NFATC2: variants seen among roughly 807,000 people sequenced by gnomAD.
NFATC2 encodes nuclear factor of activated T cells 2.
In NFATC2, 22 loss-of-function variants were observed where a neutral mutation model predicts 87.3. The observed-to-expected ratio is 0.25, with a 90% CI of 0.18 to 0.36. The LOEUF is 0.36. Among genes scored for constraint, NFATC2 ranks in the 10% least tolerant of loss-of-function variants. The pLI, the probability that NFATC2 is intolerant of heterozygous loss-of-function variation, is 1.00. For synonymous variants in NFATC2, 565 were observed against 542.2 expected, an observed-to-expected ratio of 1.04 and a Z score of -0.58; for missense variants, 1,149 against 1,259.1, an observed-to-expected ratio of 0.91 and a Z score of 1.32.
chr20:51,473,832 C>T (rs1388360616), intron 5 of NFATC2, 148 bp downstream of exon 5: 5 of 731,728 alleles, frequency 6.8e-6, no homozygotes, highest in Non-Finnish European at 1.1e-5. Flanking sequence ...TCTGTCCCCT[C>T]TGGTCATCTT....
intron 6 of NFATC2, among the ~76,000 whole-genome samples, chr20:51,436,714 C>A (rs1040978511): frequency 1.7e-4 from 11 of 63,444 alleles, no homozygotes; most frequent in Non-Finnish European, 2.4e-4. Context: ...GACTTTGTCT[C>A]AAAACAAACA....
chr20:51,450,237 G>A (rs1396547191), intron 6 of NFATC2, among the ~76,000 whole-genome samples: 1 of 152,146 alleles, frequency 6.6e-6, no homozygotes, highest in African/African-American at 2.4e-5. Flanking sequence ...CAGGCCATCC[G>A]ACCTCAGAGC....
chr20:51,422,585 T>TC (rs1555874116), intron 9 of NFATC2, among the ~76,000 whole-genome samples: 16 of 151,004 alleles, frequency 1.1e-4, no homozygotes, highest in Non-Finnish European at 2.4e-4. Flanking sequence ...TTTTTTTTTT[T>TC]CTGAAAGGGT....
intron 6 of NFATC2, among the ~76,000 whole-genome samples, chr20:51,443,304 A>AT (rs1165073848): frequency 1.3e-5 from 2 of 152,202 alleles, no homozygotes; most frequent in African/African-American, 4.8e-5. Flanking sequence ...GGCTATAGCT[A>AT]TCTCATTCTC....
chr20:51,431,555 G>A (rs576921069), intron 9 of NFATC2, among the ~76,000 whole-genome samples: 16 of 152,278 alleles, frequency 1.1e-4, no homozygotes, highest in African/African-American at 3.9e-4. Context: ...AGAAGTGCCC[G>A]CAGCCTGCCT....
chr20:51,402,100 G>A (rs1476082925), intron 9 of NFATC2, among the ~76,000 whole-genome samples: 1 of 152,216 alleles, frequency 6.6e-6, no homozygotes, highest in South Asian at 2.1e-4. Context: ...TGTAGAATAT[G>A]CTACCATCAT....
chr20:51,557,995 T>C (rs1415049082), intron 1 of NFATC2, among the ~76,000 whole-genome samples: 1 of 152,094 alleles, frequency 6.6e-6, no homozygotes, highest in Non-Finnish European at 1.5e-5. Context: ...AGGCCTCCCA[T>C]CCAGGCTGGG....
intron 5 of NFATC2, among the ~76,000 whole-genome samples, chr20:51,456,085 A>AGGGTGGGTGTGTGGAT (rs1569001882): frequency 4.6e-4 from 7 of 15,256 alleles, no homozygotes; most frequent in Non-Finnish European, 9.1e-4. Flanking sequence ...GATGGGTGGA[A>AGGGTGGGTGTGTGGAT]GGGTGGGTGT....
chr20:51,442,234 C>A (rs1411800197), intron 6 of NFATC2, among the ~76,000 whole-genome samples: 1 of 152,138 alleles, frequency 6.6e-6, no homozygotes, highest in Non-Finnish European at 1.5e-5. Context: ...GAGTTTGAGA[C>A]CAGCCTGGTC....
intron 5 of NFATC2, among the ~76,000 whole-genome samples, chr20:51,465,216 C>T (rs185138635): frequency 1.1e-3 from 163 of 152,168 alleles, no homozygotes; most frequent in African/African-American, 3.6e-3. Flanking sequence ...GGTGAAACCC[C>T]GTCTCTACTA....
intron 1 of NFATC2, among the ~76,000 whole-genome samples, chr20:51,535,306 G>A (rs182849089): frequency 1.1e-3 from 166 of 152,244 alleles, no homozygotes; most frequent in African/African-American, 3.6e-3. Context: ...CCCTCTCTCC[G>A]ACCAGCCACC....
intron 5 of NFATC2, among the ~76,000 whole-genome samples, chr20:51,461,507 TG>T (rs568474942): frequency 1.6e-4 from 24 of 152,182 alleles, no homozygotes; most frequent in African/African-American, 5.5e-4. Context: ...TAAAGTGGCT[TG>T]GGGGGGCTCT....
At chr20:51,435,873 TAAG>T in intron 6 of NFATC2, 112 bp from the exon 7 acceptor site, 3 of 877,204 alleles carry the variant, frequency 3.4e-6, no homozygotes, top group Non-Finnish European at 5.5e-6. Flanking sequence ...GTCATTTCAG[TAAG>T]GTGTGTGTCA....
chr20:51,475,750 T>A, intron 3 of NFATC2, 90 bp from the exon 4 acceptor site: 1 of 1,246,456 alleles, frequency 8.0e-7, no homozygotes, highest in Non-Finnish European at 1.1e-6. Flanking sequence ...TCATGGGCAG[T>A]AGAGAGACTA....
At chr20:51,398,792 T>TA in intron 9 of NFATC2, 62 bp from the exon 10 acceptor site, 1 of 1,163,396 alleles carries the variant, frequency 8.6e-7, no homozygotes, top group Non-Finnish European at 1.3e-6. Flanking sequence ...TGATCTCTCT[T>TA]ACGCTTCCAA....
At chr20:51,504,639 C>A in intron 3 of NFATC2, among the ~76,000 whole-genome samples, 1 of 152,210 alleles carries the variant, frequency 6.6e-6, no homozygotes, top group Admixed American at 6.5e-5. Flanking sequence ...TTCTTTGTGG[C>A]CTAAGCAGTT....
intron 5 of NFATC2, among the ~76,000 whole-genome samples, chr20:51,457,658 C>T (rs942569288): frequency 9.8e-5 from 3 of 30,708 alleles, no homozygotes; most frequent in Non-Finnish European, 2.5e-4. Context: ...TATTCTAGTA[C>T]TACTACAACT....
intron 6 of NFATC2, among the ~76,000 whole-genome samples, chr20:51,452,627 C>T (rs561998743): frequency 6.6e-6 from 1 of 152,256 alleles, no homozygotes; most frequent in South Asian, 2.1e-4. Context: ...AAAATGAAAC[C>T]CGTCCTCCCT....
At chr20:51,517,028 G>A (rs1028774314) in intron 2 of NFATC2, 73 bp from the exon 3 acceptor site, 28 of 1,423,942 alleles carry the variant, frequency 2.0e-5, no homozygotes, top group South Asian at 2.7e-5. Flanking sequence ...AATTGTAAAC[G>A]GCCCTTTCTG....
Sources: gnomAD v4.1 joint callset for allele counts (sites outside exome capture counted in the v4.1 genomes callset) on GRCh38, gnomAD v4.1.1 for gene constraint, MANE v1.5 for transcripts, NCBI Gene and HGNC (gene_info 2026-07-23, HGNC 2026-07-21) for gene names.